The following ANKS1B variants were observed in gnomAD, a reference collection of about 807,000 sequenced individuals.
The protein encoded by ANKS1B is ankyrin repeat and sterile alpha motif domain-containing protein 1B.
In ANKS1B, 36 loss-of-function variants were observed where a neutral mutation model predicts 148.3. The ratio of observed to expected loss-of-function variants is 0.24; its 90% confidence interval spans 0.19 to 0.32. The LOEUF is 0.32. Ranked by LOEUF, ANKS1B falls within the 10% of genes least tolerant of loss-of-function variation. The pLI is 1.00. For missense variants in ANKS1B, 1,157 were observed against 1,542.6 expected (o/e 0.75, Z 4.19); for synonymous variants, 542 against 560.8 (o/e 0.97, Z 0.47).
chr12:99,276,553 G>C (rs1240811074), intron 12 of ANKS1B, among the ~76,000 whole-genome samples: 1 of 152,152 alleles, frequency 6.6e-6, no homozygotes, highest in Non-Finnish European at 1.5e-5. Flanking sequence ...CCTATAAGGA[G>C]AGAGACTTCA....
chr12:98,995,457 A>G (rs2099928977), intron 17 of ANKS1B, among the ~76,000 whole-genome samples: 1 of 152,114 alleles, frequency 6.6e-6, no homozygotes, highest in South Asian at 2.1e-4. Context: ...TAAAAAAAAG[A>G]GAGTAAACTC....
intron 12 of ANKS1B, among the ~76,000 whole-genome samples, chr12:99,295,603 C>T (rs987055150): frequency 6.6e-6 from 1 of 152,090 alleles, no homozygotes; most frequent in Non-Finnish European, 1.5e-5. Context: ...CTTTCAGTGT[C>T]ATTCTTTTAA....
intron 10 of ANKS1B, among the ~76,000 whole-genome samples, chr12:99,497,562 T>G (rs1201570102): frequency 1.3e-5 from 2 of 152,184 alleles, no homozygotes; most frequent in Admixed American, 6.5e-5. Flanking sequence ...ATCTTCACAT[T>G]GTCTTCCCTC....
intron 17 of ANKS1B, among the ~76,000 whole-genome samples, chr12:98,963,527 A>G (rs1376998096): frequency 1.3e-5 from 2 of 152,212 alleles, no homozygotes; most frequent in African/African-American, 4.8e-5. Context: ...TCAGTTGACA[A>G]GACTTAAATC....
At chr12:99,794,460 TAC>T (rs148663206) in intron 4 of ANKS1B, among the ~76,000 whole-genome samples, 23,012 of 143,490 alleles carry the variant, frequency 0.16, 1,908 homozygotes, top group African/African-American at 0.22. Context: ...GAAAATGTGG[TAC>T]ACACACACAC....
chr12:99,533,257 G>A (rs1186942927), intron 9 of ANKS1B, among the ~76,000 whole-genome samples: 1 of 152,096 alleles, frequency 6.6e-6, no homozygotes, highest in Non-Finnish European at 1.5e-5. Context: ...TTGGTTAAGT[G>A]TATTAGGTAT....
chr12:99,138,507 A>G (rs571777974), intron 15 of ANKS1B, among the ~76,000 whole-genome samples: 2 of 152,318 alleles, frequency 1.3e-5, no homozygotes, highest in Admixed American at 1.3e-4. Context: ...AGCTGTTTCC[A>G]TACTCACCCG....
At chr12:98,930,677 AAG>A (rs2099812885) in intron 17 of ANKS1B, among the ~76,000 whole-genome samples, 1 of 152,080 alleles carries the variant, frequency 6.6e-6, no homozygotes, top group Admixed American at 6.6e-5. Flanking sequence ...TAATGAAAAA[AAG>A]ACCACATATT....
At chr12:99,780,918 C>T (rs373205570) in intron 5 of ANKS1B, among the ~76,000 whole-genome samples, 28 of 152,186 alleles carry the variant, frequency 1.8e-4, no homozygotes, top group African/African-American at 5.1e-4. Context: ...ATCCACCTGA[C>T]GAGCAAACTT....
chr12:99,355,972 G>A (rs896837263), intron 12 of ANKS1B, among the ~76,000 whole-genome samples: 1 of 151,662 alleles, frequency 6.6e-6, no homozygotes, highest in Admixed American at 6.6e-5. Flanking sequence ...TAAAATCCAG[G>A]GTCTAATCAG....
At chr12:99,036,060 C>A (rs1353837966) in intron 17 of ANKS1B, among the ~76,000 whole-genome samples, 1 of 152,172 alleles carries the variant, frequency 6.6e-6, no homozygotes, top group Non-Finnish European at 1.5e-5. Flanking sequence ...CACACAGGGC[C>A]TGCACCTCTC....
At position 98,801,596 on chromosome 12, in the gene ANKS1B, G is replaced by A. The variant is rs1049464092; in HGVS notation, c.3142-471C>T. On this transcript the variant is annotated intron_variant, in intron 20 of 26. Transcript: ENST00000683438. The surrounding 1 kb of genome is among the most constrained non-coding windows in gnomAD (Gnocchi z 5.2). ...AATAATTTTAGATCTCTGGAGAAAT[G>A]GTAGTGTAAGCATGATGCTAAACAA... Among the ~76,000 whole-genome samples, 2 of 152,138 alleles carry A rather than the reference G, an allele frequency of 1.3e-5. No individual in the cohort carries two copies. Among genetic ancestry groups the A allele is most frequent in the Non-Finnish European group, 2.9e-5 (2 of 68,020 alleles).
At chr12:99,554,081 GAGAA>G (rs1441303729) in intron 9 of ANKS1B, among the ~76,000 whole-genome samples, 1 of 152,120 alleles carries the variant, frequency 6.6e-6, no homozygotes, top group Non-Finnish European at 1.5e-5. Flanking sequence ...CAGATATGAA[GAGAA>G]AGAGAGAGAC....
At chr12:99,352,163 C>T (rs973104010) in intron 12 of ANKS1B, 1 of 151,908 alleles carries the variant, frequency 6.6e-6, no homozygotes, top group Non-Finnish European at 1.5e-5. Context: ...ATGTTCTTTA[C>T]TCCAAGACTA....
intron 12 of ANKS1B, among the ~76,000 whole-genome samples, chr12:99,262,618 T>G (rs1010028249): frequency 6.6e-6 from 1 of 152,058 alleles, no homozygotes; most frequent in Admixed American, 6.6e-5. Context: ...TTTCTTTTGT[T>G]TTTTATGGAC....
intron 9 of ANKS1B, among the ~76,000 whole-genome samples, chr12:99,525,251 C>G (rs574025607): frequency 3.3e-5 from 5 of 152,292 alleles, no homozygotes; most frequent in African/African-American, 1.2e-4. Flanking sequence ...GAAAATACAC[C>G]TTATCATTTT....
At chr12:99,283,028 G>T (rs1298379907) in intron 12 of ANKS1B, among the ~76,000 whole-genome samples, 1 of 152,138 alleles carries the variant, frequency 6.6e-6, no homozygotes, top group African/African-American at 2.4e-5. Flanking sequence ...ACGTTTAGGG[G>T]TCAAAGAAAA....
chr12:99,877,870 G>T (rs901730244), intron 1 of ANKS1B, among the ~76,000 whole-genome samples: 4 of 152,018 alleles, frequency 2.6e-5, no homozygotes, highest in African/African-American at 7.2e-5. Flanking sequence ...ACCAGCCTGG[G>T]CAACATGGCG....
intron 8 of ANKS1B, among the ~76,000 whole-genome samples, chr12:99,696,094 A>C (rs999584839): frequency 8.5e-5 from 13 of 152,144 alleles, no homozygotes; most frequent in African/African-American, 3.1e-4. Flanking sequence ...ATCTAAAATA[A>C]AAGTTGAAAT....
Sources: allele counts gnomAD v4.1 joint callset (sites outside exome capture counted in the v4.1 genomes callset), GRCh38; gene constraint gnomAD v4.1.1; non-coding constraint Gnocchi (gnomAD v3.1); transcripts MANE v1.5; gene names NCBI Gene and HGNC (gene_info 2026-07-23, HGNC 2026-07-21).